Variants in NINJ2 observed in about 807,000 individuals in gnomAD.
The protein encoded by NINJ2 is ninjurin 2.
Under a neutral mutation model 11.7 loss-of-function variants are expected in NINJ2, and 12 were observed. The observed-to-expected ratio is 1.02, with a 90% CI of 0.66 to 1.66. NINJ2 has a LOEUF of 1.66. Ranked by LOEUF, NINJ2 falls within the 40% of genes most tolerant of loss-of-function variation. The probability of loss-of-function intolerance (pLI) is 0.00; values close to 1 mark genes in which losing one functional copy is unlikely to be tolerated. For missense variants in NINJ2, 187 were observed against 181.8 expected, an observed-to-expected ratio of 1.03 and a Z score of -0.16; for synonymous variants, 93 against 76.8, an observed-to-expected ratio of 1.21 and a Z score of -1.10.
intron 1 of NINJ2, among the ~76,000 whole-genome samples, chr12:609,575 CTGGTTAACA>C (rs1273424480): frequency 1.3e-5 from 2 of 151,968 alleles, no homozygotes; most frequent in African/African-American, 4.8e-5. Flanking sequence ...CGAGACCATC[CTGGTTAACA>C]TGGTGAAACC....
intron 1 of NINJ2, among the ~76,000 whole-genome samples, chr12:599,920 T>A (rs1947845009): frequency 1.3e-5 from 2 of 152,152 alleles, no homozygotes; most frequent in Non-Finnish European, 2.9e-5. Flanking sequence ...ATACCTCTGA[T>A]GCCAAGGTTT....
chr12:578,618 G>T (rs748006883), intron 1 of NINJ2, among the ~76,000 whole-genome samples: 10 of 152,164 alleles, frequency 6.6e-5, no homozygotes, highest in Non-Finnish European at 1.3e-4. Context: ...ACACCCGGCC[G>T]AGAGCACCCA....
At position 640,361 on chromosome 12, in the gene NINJ2, C is replaced by A. The variant is rs77127894; in HGVS notation, c.33+22967G>T. On this transcript the variant is annotated intron_variant, in intron 1 of 3. Transcript: ENST00000305108. The surrounding 1 kb of genome is among the most constrained non-coding windows in gnomAD (Gnocchi z 4.0). ...AAGCTTTAAAAAAAAGGTAGGCCTGCGGGCTCCTTGCCTGAGCAAAGTTAA... is the reference window on the plus strand; with the variant it reads ...AAGCTTTAAAAAAAAGGTAGGCCTGAGGGCTCCTTGCCTGAGCAAAGTTAA... 4.2e-3 allele frequency among the ~76,000 whole-genome samples: 633 copies of A among 152,294 alleles called. 31 individuals are homozygous for A. The East Asian group carries it at 0.1, about 25-fold the overall frequency.
chr12:660,986 A>G (rs1937950544), intron 1 of NINJ2, among the ~76,000 whole-genome samples: 2 of 152,198 alleles, frequency 1.3e-5, no homozygotes, highest in African/African-American at 4.8e-5. Flanking sequence ...AATAAACATT[A>G]TAATAAAAAG....
At chr12:570,450 C>G (rs1947361056) in intron 1 of NINJ2, among the ~76,000 whole-genome samples, 1 of 152,200 alleles carries the variant, frequency 6.6e-6, no homozygotes, top group Admixed American at 6.5e-5. Context: ...CGCCCACAGC[C>G]CAGGGACTGG....
At chr12:569,922 C>A (rs1303368259) in intron 1 of NINJ2, among the ~76,000 whole-genome samples, 1 of 152,194 alleles carries the variant, frequency 6.6e-6, no homozygotes, top group East Asian at 1.9e-4. Context: ...TCCAGAGTGT[C>A]CACACGGTGG....
rs1947628396 is a variant in NINJ2, at chr12:585,707, A to G, written c.34-19529T>C. Among the ~76,000 whole-genome samples, 1 of 152,240 alleles carries G rather than the reference A, an allele frequency of 6.6e-6. No individual in the cohort carries two copies. The highest frequency in any genetic ancestry group is 1.5e-5 in the Non-Finnish European group (1 of 68,026). ...TGATAGCTCTGTTTGCTTTCCAGCC[A>G]ATCAGCAAATATTTATTGAGCATCT... On this transcript the variant is annotated intron_variant, in intron 1 of 3. Coordinates refer to ENST00000305108, the MANE Select transcript of NINJ2 (RefSeq NM_016533.6). This position sits in a 1 kb window ranked among gnomAD's most constrained non-coding sequence, Gnocchi z 4.1.
intron 1 of NINJ2, among the ~76,000 whole-genome samples, chr12:605,846 C>G (rs952726409): frequency 6.6e-6 from 1 of 152,180 alleles, no homozygotes; most frequent in Non-Finnish European, 1.5e-5. Context: ...TTCCAGTAAG[C>G]TTTTTGGTGC....
At chr12:613,861 C>T (rs1471476902) in intron 1 of NINJ2, among the ~76,000 whole-genome samples, 7 of 152,004 alleles carry the variant, frequency 4.6e-5, no homozygotes, top group Admixed American at 1.3e-4. Flanking sequence ...GCCGAGATCG[C>T]GCCACTGCAC....
At chr12:634,614 C>G (rs1948325694) in intron 1 of NINJ2, among the ~76,000 whole-genome samples, 2 of 152,176 alleles carry the variant, frequency 1.3e-5, no homozygotes, top group Middle Eastern at 3.4e-3. Context: ...AAATCAGTCT[C>G]CTCCCAATCC....
In NINJ2 at chr12:565,345, C is replaced by A. The variant is rs148753958; in HGVS notation, c.319G>T (p.Ala107Ser). Residue 107 changes from alanine (A) to serine (S), a missense_variant, in exon 3 of 4, where the codon GCA becomes TCA. Coordinates refer to ENST00000305108, the MANE Select transcript of NINJ2 (RefSeq NM_016533.6). ...KQWRLNQLNN[A>S]ATILVFFTVV... ...GTGAAGAAGACCAAGATGGTGGCTG[C>A]GTTGTTGAGCTGGTTGAGTCGCCAC... 5.6e-6 allele frequency: 9 copies of A among 1,614,030 alleles called. No individual in the cohort carries two copies. The East Asian group carries it at 1.6e-4, about 28-fold the overall frequency.
intron 1 of NINJ2, among the ~76,000 whole-genome samples, chr12:626,894 C>T (rs556875538): frequency 6.6e-6 from 1 of 151,970 alleles, no homozygotes; most frequent in Non-Finnish European, 1.5e-5. Flanking sequence ...AAGACCAGCC[C>T]GGGCAGCATA....
intron 1 of NINJ2, among the ~76,000 whole-genome samples, chr12:588,093 T>C (rs896619913): frequency 6.6e-6 from 1 of 151,262 alleles, no homozygotes; most frequent in Non-Finnish European, 1.5e-5. Context: ...GGTTTCCCCT[T>C]GAAAAAAATT....
chr12:658,685 GCTATGCTATGCTA>G (rs1937909215), intron 1 of NINJ2, among the ~76,000 whole-genome samples: 1 of 149,900 alleles, frequency 6.7e-6, no homozygotes, highest in African/African-American at 2.5e-5. Flanking sequence ...GCTATGCTAT[GCTATGCTATGCTA>G]TGCTATGCTA....
intron 1 of NINJ2, among the ~76,000 whole-genome samples, chr12:615,200 A>G (rs1170361008): frequency 6.6e-6 from 1 of 152,236 alleles, no homozygotes; most frequent in Non-Finnish European, 1.5e-5. Context: ...AATCTCAGCA[A>G]TCAGGGTGCT....
chr12:572,091 C>A (rs79021866), intron 1 of NINJ2, among the ~76,000 whole-genome samples: 1 of 152,228 alleles, frequency 6.6e-6, no homozygotes, highest in African/African-American at 2.4e-5. Flanking sequence ...GAGCACTGGA[C>A]GCCTTTTCTT....
chr12:653,523 G>A (rs539699809), intron 1 of NINJ2, among the ~76,000 whole-genome samples: 8 of 152,134 alleles, frequency 5.3e-5, no homozygotes, highest in African/African-American at 1.9e-4. Flanking sequence ...GTACTCACAC[G>A]ATCCATGAAA....
chr12:655,129 G>A lies in NINJ2; in HGVS notation c.33+8199C>T, dbSNP rs567511293. ...TAACATCATACTTAATGATAAGAAA[G>A]TAGAAGCACTCCCACTAAGATTAGA... On this transcript the variant is annotated intron_variant, in intron 1 of 3. Coordinates refer to ENST00000305108, the MANE Select transcript of NINJ2 (RefSeq NM_016533.6). Among the ~76,000 whole-genome samples, 6 of 152,218 alleles carry A rather than the reference G, an allele frequency of 3.9e-5. No homozygotes were observed. In the South Asian group the frequency reaches 1.0e-3, roughly 26 times the overall value.
intron 1 of NINJ2, among the ~76,000 whole-genome samples, chr12:606,225 G>A (rs1253241004): frequency 2.0e-5 from 3 of 151,750 alleles, no homozygotes; most frequent in Admixed American, 2.0e-4. Context: ...AGAACTCTTG[G>A]AAACTAAAAA....
Sources: allele counts gnomAD v4.1 joint callset (sites outside exome capture counted in the v4.1 genomes callset), GRCh38; gene constraint gnomAD v4.1.1; non-coding constraint Gnocchi (gnomAD v3.1); transcripts MANE v1.5; gene names NCBI Gene and HGNC (gene_info 2026-07-23, HGNC 2026-07-21).